INSL6: variants seen among roughly 807,000 people sequenced by gnomAD.
The protein encoded by INSL6 is insulin like 6, also known as insulin-like peptide INSL6.
INSL6 carries 16 observed loss-of-function variants against 9.4 expected under a neutral mutation model. The observed-to-expected ratio is 1.70, with a 90% CI of 1.15 to 2.59. The LOEUF is 2.59. Among genes scored for constraint, INSL6 ranks in the 30% most tolerant of loss-of-function variants. The probability of loss-of-function intolerance (pLI) is 0.00; values close to 1 mark genes in which losing one functional copy is unlikely to be tolerated. For missense variants in INSL6, 391 were observed against 257.3 expected, an observed-to-expected ratio of 1.52 and a Z score of -3.56; for synonymous variants, 154 against 96.9, an observed-to-expected ratio of 1.59 and a Z score of -3.46.
intron 2 of INSL6, among the ~76,000 whole-genome samples, chr9:5,156,008 C>G (rs1442056999): frequency 1.3e-5 from 2 of 151,770 alleles, no homozygotes; most frequent in Non-Finnish European, 2.9e-5. Flanking sequence ...TTATCAAAAT[C>G]AGTAATAAAA....
chr9:5,077,045 T>C, the INSL6 span, among the ~76,000 whole-genome samples: 3 of 152,008 alleles, frequency 2.0e-5, no homozygotes, highest in African/African-American at 7.2e-5. Flanking sequence ...TTTATGTCTA[T>C]AGTACTATAG....
At chr9:5,162,940 T>G (rs1263184009), downstream of INSL6, among the ~76,000 whole-genome samples, 1 of 152,174 alleles carries the variant, frequency 6.6e-6, no homozygotes, top group East Asian at 1.9e-4. Flanking sequence ...TGCTCTAATT[T>G]GTAGTACTAA....
chr9:5,130,461 A>T (rs1013357975), intron 3 of INSL6, among the ~76,000 whole-genome samples: 5 of 152,204 alleles, frequency 3.3e-5, no homozygotes, highest in African/African-American at 1.2e-4. Context: ...GGCAGCTAAG[A>T]AGGCAAATTA....
the INSL6 span, among the ~76,000 whole-genome samples, chr9:5,062,643 T>C: frequency 6.6e-6 from 1 of 152,074 alleles, no homozygotes; most frequent in East Asian, 1.9e-4. Flanking sequence ...TATGAATATT[T>C]ACAACTTTGA....
At chr9:5,050,719 G>C in the INSL6 span, 1 of 1,613,768 alleles carries the variant, frequency 6.2e-7, no homozygotes, top group Non-Finnish European at 8.5e-7. Context: ...ATGGATAAAA[G>C]TACCTGTGAC....
the INSL6 span, among the ~76,000 whole-genome samples, chr9:5,034,906 T>G: frequency 2.0e-5 from 3 of 151,944 alleles, no homozygotes; most frequent in African/African-American, 4.8e-5. Context: ...CTGAAGGACA[T>G]AGAGAGACAA....
intron 1 of INSL6, among the ~76,000 whole-genome samples, chr9:5,168,615 C>T (rs1342293073): frequency 6.6e-6 from 1 of 151,728 alleles, no homozygotes; most frequent in Non-Finnish European, 1.5e-5. Flanking sequence ...ATAGGGGCAC[C>T]TGAACAAGAC....
intron 3 of INSL6, among the ~76,000 whole-genome samples, chr9:5,128,662 C>G (rs529558790): frequency 1.8e-4 from 28 of 151,952 alleles, no homozygotes; most frequent in African/African-American, 6.5e-4. Context: ...CATGTACATT[C>G]TTGTTTTTAG....
the INSL6 span, among the ~76,000 whole-genome samples, chr9:5,086,387 A>T: frequency 6.6e-6 from 1 of 152,216 alleles, no homozygotes; most frequent in Non-Finnish European, 1.5e-5. Context: ...TCCATGGTGC[A>T]GATATGGGAT....
the INSL6 span, among the ~76,000 whole-genome samples, chr9:5,082,870 G>A: frequency 1.3e-5 from 2 of 152,326 alleles, no homozygotes; most frequent in South Asian, 4.1e-4. Context: ...TCAGGTTGGG[G>A]CAAAGTTACA....
At chr9:5,085,247 C>T in the INSL6 span, 1 of 675,612 alleles carries the variant, frequency 1.5e-6, no homozygotes, top group Non-Finnish European at 2.8e-6. Context: ...GGACCAGTGG[C>T]TAACCTGAGA....
At chr9:5,100,739 C>G in the INSL6 span, 12 of 152,150 alleles carry the variant, frequency 7.9e-5, no homozygotes, top group African/African-American at 2.9e-4. Flanking sequence ...TCACGATTAC[C>G]TTAGGTATTT....
the INSL6 span, chr9:5,050,816 T>G: frequency 6.2e-7 from 1 of 1,613,352 alleles, no homozygotes; most frequent in Non-Finnish European, 8.5e-7. Context: ...CCACTGGCCA[T>G]CTATAACTCT....
chr9:5,112,658 AT>A, the INSL6 span: 1 of 972,926 alleles, frequency 1.0e-6, no homozygotes, highest in Non-Finnish European at 1.4e-6. Context: ...CAAACTCCTT[AT>A]CCTGCACCAG....
chr9:4,998,290 T>A, the INSL6 span, among the ~76,000 whole-genome samples: 1 of 152,150 alleles, frequency 6.6e-6, no homozygotes, highest in African/African-American at 2.4e-5. Context: ...GGAGTCTTGC[T>A]CTGTCACCCA....
At chr9:5,085,208 C>T in the INSL6 span, 1 of 663,408 alleles carries the variant, frequency 1.5e-6, no homozygotes, top group African/African-American at 1.8e-5. Context: ...GCATTCATTT[C>T]TGGGAACTGC....
the INSL6 span, chr9:5,054,580 C>T: frequency 3.8e-6 from 6 of 1,581,534 alleles, no homozygotes; most frequent in South Asian, 1.2e-5. The surrounding 1 kb of genome is among the most constrained non-coding windows in gnomAD (Gnocchi z 4.9). Flanking sequence ...ACATTCTTAC[C>T]AAAATGTATT....
At chr9:5,006,451 A>G in the INSL6 span, among the ~76,000 whole-genome samples, 1 of 152,146 alleles carries the variant, frequency 6.6e-6, no homozygotes, top group African/African-American at 2.4e-5. Flanking sequence ...AAATTACTGT[A>G]TTTGTTTGTT....
At chr9:5,072,749 T>C in the INSL6 span, 2 of 580,042 alleles carry the variant, frequency 3.4e-6, no homozygotes, top group Non-Finnish European at 5.4e-6. Flanking sequence ...GTCAAGGACT[T>C]TTCTGAGGAT....
Sources: allele counts gnomAD v4.1 joint callset (sites outside exome capture counted in the v4.1 genomes callset), GRCh38; gene constraint gnomAD v4.1.1; non-coding constraint Gnocchi (gnomAD v3.1); transcripts MANE v1.5; gene names NCBI Gene and HGNC (gene_info 2026-07-23, HGNC 2026-07-21).